The following B3GALT1 variants were observed in gnomAD, a reference collection of about 807,000 sequenced individuals.
B3GALT1 encodes the protein beta-1,3-galactosyltransferase 1.
In B3GALT1, 10 loss-of-function variants were observed where a neutral mutation model predicts 23.2. The observed-to-expected ratio is 0.43, with a 90% CI of 0.27 to 0.73. The LOEUF is 0.73. Ranked by LOEUF, B3GALT1 falls within the 30% of genes least tolerant of loss-of-function variation. B3GALT1 has a pLI of 0.21. For synonymous variants in B3GALT1, 156 were observed against 141.5 expected, an observed-to-expected ratio of 1.10 and a Z score of -0.73; for missense variants, 299 against 405.4, an observed-to-expected ratio of 0.74 and a Z score of 2.25.
At chr2:167,815,503 G>C (rs1688978669) in intron 3 of B3GALT1, among the ~76,000 whole-genome samples, 1 of 152,176 alleles carries the variant, frequency 6.6e-6, no homozygotes, top group Non-Finnish European at 1.5e-5. Flanking sequence ...GCTGACATTA[G>C]AGATCCACAG....
intron 1 of B3GALT1, among the ~76,000 whole-genome samples, chr2:167,480,216 T>G (rs866478367): frequency 5.3e-5 from 8 of 152,146 alleles, no homozygotes; most frequent in Non-Finnish European, 1.2e-4. Context: ...CACCTAATCT[T>G]GTAGCCTTCC....
intron 2 of B3GALT1, among the ~76,000 whole-genome samples, chr2:167,572,003 A>G (rs1433865482): frequency 6.6e-6 from 1 of 151,912 alleles, no homozygotes; most frequent in African/African-American, 2.4e-5. Context: ...AACCAGAACC[A>G]TCAAGAAAGA....
chr2:167,615,046 C>T (rs1046824071), intron 2 of B3GALT1, among the ~76,000 whole-genome samples: 1 of 151,564 alleles, frequency 6.6e-6, no homozygotes, highest in African/African-American at 2.4e-5. Flanking sequence ...AGCATAGTAC[C>T]AAAGCAAGAA....
At chr2:167,565,906 C>G (rs931800366) in intron 2 of B3GALT1, among the ~76,000 whole-genome samples, 1 of 151,960 alleles carries the variant, frequency 6.6e-6, no homozygotes, top group South Asian at 2.1e-4. Context: ...GTTGGTGGGA[C>G]TGTAAACTAG....
At chr2:167,313,652 A>C (rs1290762281) in intron 1 of B3GALT1, among the ~76,000 whole-genome samples, 1 of 152,108 alleles carries the variant, frequency 6.6e-6, no homozygotes, top group African/African-American at 2.4e-5. Context: ...AGTGTTTGGA[A>C]GCTGTCATAT....
At chr2:167,576,730 G>C (rs1684395601) in intron 2 of B3GALT1, among the ~76,000 whole-genome samples, 1 of 151,384 alleles carries the variant, frequency 6.6e-6, no homozygotes, top group Non-Finnish European at 1.5e-5. Flanking sequence ...TTTCTATTCT[G>C]TCTTTCTAAA....
At chr2:167,434,782 T>G (rs984020267) in intron 1 of B3GALT1, among the ~76,000 whole-genome samples, 1 of 143,672 alleles carries the variant, frequency 7.0e-6, no homozygotes, top group Non-Finnish European at 1.5e-5. Context: ...AAACAGCCAA[T>G]GCTATAATTT....
chr2:167,736,413 CCTT>C (rs1276157628), intron 3 of B3GALT1, among the ~76,000 whole-genome samples: 1 of 152,128 alleles, frequency 6.6e-6, no homozygotes, highest in East Asian at 1.9e-4. Context: ...ATGTAGGACT[CCTT>C]CAGAATGCCT....
At chr2:167,663,893 T>G (rs1686120725) in intron 3 of B3GALT1, among the ~76,000 whole-genome samples, 1 of 151,916 alleles carries the variant, frequency 6.6e-6, no homozygotes, top group Non-Finnish European at 1.5e-5. Flanking sequence ...TGCGAAAATT[T>G]TCTCCCATTT....
At chr2:167,590,023 C>G (rs980650020) in intron 2 of B3GALT1, among the ~76,000 whole-genome samples, 1 of 152,076 alleles carries the variant, frequency 6.6e-6, no homozygotes, top group African/African-American at 2.4e-5. Flanking sequence ...GTGTTGACAG[C>G]TGCTAACCAC....
At chr2:167,295,617 A>T (rs763849683) in intron 1 of B3GALT1, among the ~76,000 whole-genome samples, 11 of 152,210 alleles carry the variant, frequency 7.2e-5, no homozygotes, top group Non-Finnish European at 1.5e-4. Flanking sequence ...GGAACTTCTA[A>T]GGAAAATTTT....
At chr2:167,838,570 G>C (rs1212834260) in intron 4 of B3GALT1, among the ~76,000 whole-genome samples, 2 of 152,272 alleles carry the variant, frequency 1.3e-5, no homozygotes, top group South Asian at 2.1e-4. Context: ...AGGACCAGAA[G>C]GATTCACAGC....
At chr2:167,752,939 C>T (rs578023125) in intron 3 of B3GALT1, among the ~76,000 whole-genome samples, 11 of 152,258 alleles carry the variant, frequency 7.2e-5, no homozygotes, top group African/African-American at 2.4e-4. Context: ...TGCTTGGTTC[C>T]TTCAGGAACA....
At chr2:167,587,560 G>A (rs563667578) in intron 2 of B3GALT1, among the ~76,000 whole-genome samples, 3 of 152,310 alleles carry the variant, frequency 2.0e-5, no homozygotes, top group East Asian at 1.9e-4. Flanking sequence ...AGCTAGCTTA[G>A]CATAGTAGGA....
intron 1 of B3GALT1, among the ~76,000 whole-genome samples, chr2:167,478,013 A>C (rs1245425948): frequency 1.3e-5 from 2 of 152,230 alleles, no homozygotes; most frequent in African/African-American, 2.4e-5. Context: ...CAAAACATTA[A>C]AATAGAATAT....
chr2:167,451,006 T>C (rs560386093), intron 1 of B3GALT1, among the ~76,000 whole-genome samples: 4 of 152,202 alleles, frequency 2.6e-5, no homozygotes, highest in African/African-American at 9.6e-5. Context: ...TCCAGAACAT[T>C]TTGCATTTCT....
chr2:167,763,563 G>A (rs373225330), intron 3 of B3GALT1, among the ~76,000 whole-genome samples: 18 of 151,644 alleles, frequency 1.2e-4, no homozygotes, highest in South Asian at 1.0e-3. Context: ...ATGGTGGCAC[G>A]CACCTGTAAT....
At chr2:167,698,807 T>C (rs2105507646) in intron 3 of B3GALT1, among the ~76,000 whole-genome samples, 1 of 152,216 alleles carries the variant, frequency 6.6e-6, no homozygotes, top group East Asian at 1.9e-4. Flanking sequence ...CCTCTGGAGG[T>C]TTGACATTTG....
rs185201823 is a variant in B3GALT1 at position 167,550,482 on chromosome 2, A to C, written c.-410+60205A>C. On this transcript the variant is annotated intron_variant, in intron 2 of 4. Coordinates refer to ENST00000392690, the MANE Select transcript of B3GALT1 (RefSeq NM_020981.4). ...AGCCCAAATCCATTCTATGATAACA[A>C]CTGGGAAGGTAGAAATTGCATGATG... Among the ~76,000 whole-genome samples, 441 of 152,314 alleles carry C rather than the reference A, an allele frequency of 2.9e-3. 8 individuals are homozygous for C. Among genetic ancestry groups the C allele is most frequent in the Non-Finnish European group, 3.7e-4 (25 of 68,026 alleles).
Sources: gnomAD v4.1 joint callset for allele counts (sites outside exome capture counted in the v4.1 genomes callset) on GRCh38, gnomAD v4.1.1 for gene constraint, MANE v1.5 for transcripts, NCBI Gene and HGNC (gene_info 2026-07-23, HGNC 2026-07-21) for gene names.